The following CNOT6L variants were observed in gnomAD, a reference collection of about 807,000 sequenced individuals.
CNOT6L encodes the protein CCR4-NOT transcription complex subunit 6 like, also known as CCR4-NOT transcription complex subunit 6-like.
In CNOT6L, 7 loss-of-function variants were observed where a neutral mutation model predicts 64.0. The ratio of observed to expected loss-of-function variants is 0.11; its 90% CI spans 0.06 to 0.21. The LOEUF (loss-of-function observed/expected upper bound fraction) is 0.21, where lower values mean the gene tolerates loss of function less well. Ranked by LOEUF, CNOT6L falls within the 10% of genes least tolerant of loss-of-function variation. CNOT6L has a pLI of 1.00. For missense variants in CNOT6L, 245 were observed against 669.0 expected (o/e 0.37, Z 6.99); for synonymous variants, 193 against 243.4 (o/e 0.79, Z 1.93).
chr4:77,768,018 TAAAG>T (rs1727061784), intron 4 of CNOT6L, among the ~76,000 whole-genome samples: 1 of 149,536 alleles, frequency 6.7e-6, no homozygotes, highest in Non-Finnish European at 1.5e-5. Flanking sequence ...ACAAATGAAT[TAAAG>T]AATTAACTGC....
rs1279467016 is a variant in CNOT6L, at chr4:77,720,380, A to T, written c.*51T>A. The T allele has an allele frequency of 6.3e-6, 10 of 1,585,778 alleles. No homozygotes were observed. In the East Asian group the frequency reaches 1.8e-4, roughly 28 times the overall value. ...TCACTCCTACATACTTTGATTTACA[A>T]CTGTACAGGTCCATAGCAACAGATC... On this transcript the variant is annotated 3_prime_UTR_variant, in exon 12 of 12. Coordinates refer to ENST00000504123, the MANE Select transcript of CNOT6L (RefSeq NM_144571.3).
chr4:77,728,322 A>T (rs1722094263), intron 10 of CNOT6L, among the ~76,000 whole-genome samples: 1 of 152,232 alleles, frequency 6.6e-6, no homozygotes, highest in African/African-American at 2.4e-5. Flanking sequence ...TCTGTGCCTC[A>T]GGCAGCTGAT....
At chr4:77,750,079 A>G (rs1404494579) in intron 5 of CNOT6L, among the ~76,000 whole-genome samples, 2 of 152,240 alleles carry the variant, frequency 1.3e-5, no homozygotes, top group African/African-American at 4.8e-5. Context: ...AGTAAAAAGA[A>G]GTAGAAAAAA....
intron 1 of CNOT6L, among the ~76,000 whole-genome samples, chr4:77,801,507 T>G (rs901906011): frequency 6.6e-6 from 1 of 152,068 alleles, no homozygotes; most frequent in Non-Finnish European, 1.5e-5. Context: ...ACAGTATACA[T>G]GTAACATACC....
chr4:77,745,876 T>C (rs1449562315), intron 6 of CNOT6L, among the ~76,000 whole-genome samples: 1 of 152,172 alleles, frequency 6.6e-6, no homozygotes, highest in African/African-American at 2.4e-5. Flanking sequence ...TTGATTGAAG[T>C]TGGTTCTGTT....
chr4:77,767,887 G>C (rs894266606), intron 4 of CNOT6L, among the ~76,000 whole-genome samples: 1 of 147,716 alleles, frequency 6.8e-6, no homozygotes, highest in African/African-American at 2.5e-5. Context: ...GCTGAGGCAG[G>C]AAAATTGCTT....
intron 1 of CNOT6L, among the ~76,000 whole-genome samples, chr4:77,801,367 A>G (rs913004660): frequency 6.6e-6 from 1 of 152,238 alleles, no homozygotes; most frequent in African/African-American, 2.4e-5. Flanking sequence ...TCACAACGCC[A>G]GCTTCACAAA....
chr4:77,750,029 A>G (rs1205128362), intron 5 of CNOT6L, among the ~76,000 whole-genome samples: 1 of 152,246 alleles, frequency 6.6e-6, no homozygotes, highest in East Asian at 1.9e-4. Flanking sequence ...AAAAAGATAA[A>G]TATGTATTCA....
chr4:77,714,643 C>T lies in CNOT6L; in HGVS notation c.*5788G>A, dbSNP rs1320851209. Reference sequence around the variant, plus strand: ...GTACGAATGCCCATAGTGCACATCTCAGTGCTGCTGGTGTTTAAGAAATTT... The same window carrying T: ...GTACGAATGCCCATAGTGCACATCTTAGTGCTGCTGGTGTTTAAGAAATTT... On this transcript the variant is annotated 3_prime_UTR_variant, in exon 12 of 12. Coordinates refer to ENST00000504123, the MANE Select transcript of CNOT6L (RefSeq NM_144571.3). The T allele has an allele frequency of 6.6e-6, 1 of 152,504 alleles. No individual in the cohort carries two copies. Among genetic ancestry groups the T allele is most frequent in the African/African-American group, 2.4e-5 (1 of 41,420 alleles). The allele number at this position is 152,504 out of a possible 1,614,324, so 9.4% of individuals were successfully genotyped here.
At chr4:77,725,002 A>G (rs1721678170) in intron 11 of CNOT6L, among the ~76,000 whole-genome samples, 2 of 152,200 alleles carry the variant, frequency 1.3e-5, no homozygotes, top group Admixed American at 6.5e-5. Flanking sequence ...ATCGGCAAAC[A>G]CCACAAATCA....
At chr4:77,727,485 G>C (rs1213851551) in intron 10 of CNOT6L, among the ~76,000 whole-genome samples, 1 of 142,312 alleles carries the variant, frequency 7.0e-6, no homozygotes, top group African/African-American at 2.7e-5. Context: ...AGAATTGCTT[G>C]AACCCGGGAG....
rs1720939021 is a variant in CNOT6L at position 77,718,148 on chromosome 4, T to TACAA, written c.*2279_*2282dup. 6.6e-6 allele frequency: 1 copy of TACAA among 152,516 alleles called. No homozygotes were observed. Among genetic ancestry groups the TACAA allele is most frequent in the African/African-American group, 2.4e-5 (1 of 41,426 alleles). 9.4% of individuals were successfully genotyped at this position (152,516 alleles called of 1,614,324 possible). A position where few individuals can be genotyped will look rare whatever the true frequency, so the allele number is the denominator to read the frequency against. ...TAAGTGAACTTTAAATTCCATTTTA[T>TACAA]ACAAACATCTCAAAAAATATTGGGA... On this transcript the variant is annotated 3_prime_UTR_variant, in exon 12 of 12. Coordinates refer to ENST00000504123, the MANE Select transcript of CNOT6L (RefSeq NM_144571.3).
intron 4 of CNOT6L, among the ~76,000 whole-genome samples, chr4:77,758,204 T>A (rs372555153): frequency 1.3e-5 from 2 of 152,140 alleles, no homozygotes; most frequent in East Asian, 1.9e-4. Context: ...GCTATTAAGG[T>A]GTATACCTTT....
rs962033263 is a variant in CNOT6L at position 77,719,115 on chromosome 4, A to T, written c.*1316T>A. 1.3e-5 allele frequency: 2 copies of T among 152,612 alleles called. No homozygotes were observed. The highest frequency in any genetic ancestry group is 2.9e-5 in the Non-Finnish European group (2 of 68,026). The allele number at this position is 152,612 out of a possible 1,614,324, so 9.5% of individuals were successfully genotyped here. Reference sequence around the variant, plus strand: ...CTGTTACTGTGCCATAATTAACATCAAGTAGCCAACCAATTTTTCCCCAGA... The same window carrying T: ...CTGTTACTGTGCCATAATTAACATCTAGTAGCCAACCAATTTTTCCCCAGA... On this transcript the variant is annotated 3_prime_UTR_variant, in exon 12 of 12. Coordinates refer to ENST00000504123, the MANE Select transcript of CNOT6L (RefSeq NM_144571.3).
At chr4:77,815,653 T>TC (rs1420266350) in intron 1 of CNOT6L, among the ~76,000 whole-genome samples, 1 of 152,132 alleles carries the variant, frequency 6.6e-6, no homozygotes, top group Non-Finnish European at 1.5e-5. Context: ...CCCCTTGCAT[T>TC]CAAATAAGAC....
chr4:77,796,664 T>C (rs1730884166), intron 1 of CNOT6L, among the ~76,000 whole-genome samples: 1 of 152,178 alleles, frequency 6.6e-6, no homozygotes, highest in Non-Finnish European at 1.5e-5. Context: ...CAGAACTACG[T>C]AATTTCAAGA....
chr4:77,727,656 A>G (rs1316081060), intron 10 of CNOT6L, among the ~76,000 whole-genome samples: 2 of 151,804 alleles, frequency 1.3e-5, no homozygotes, highest in African/African-American at 2.4e-5. Flanking sequence ...TCAGGATCCA[A>G]CCATGACAGT....
intron 1 of CNOT6L, among the ~76,000 whole-genome samples, chr4:77,789,493 A>G (rs997305433): frequency 4.6e-5 from 7 of 152,020 alleles, no homozygotes; most frequent in Non-Finnish European, 8.8e-5. Context: ...CCTGGGCAAC[A>G]TGGCAAGACC....
intron 8 of CNOT6L, among the ~76,000 whole-genome samples, chr4:77,738,863 G>A (rs1338118726): frequency 1.3e-5 from 2 of 151,692 alleles, no homozygotes; most frequent in Admixed American, 6.6e-5. Context: ...GCTTTGGAAC[G>A]TAAATAATAC....
Sources: allele counts gnomAD v4.1 joint callset (sites outside exome capture counted in the v4.1 genomes callset), GRCh38; gene constraint gnomAD v4.1.1; transcripts MANE v1.5; gene names NCBI Gene and HGNC (gene_info 2026-07-23, HGNC 2026-07-21).